Variants in NTRK3 observed in about 807,000 individuals in gnomAD.
The protein encoded by NTRK3 is neurotrophic receptor tyrosine kinase 3.
NTRK3 carries 24 observed loss-of-function variants against 91.7 expected under a neutral mutation model. The ratio of observed to expected loss-of-function variants is 0.26; its 90% confidence interval spans 0.19 to 0.37. NTRK3 has a LOEUF of 0.37. Ranked by LOEUF, NTRK3 falls within the 10% of genes least tolerant of loss-of-function variation. NTRK3 has a pLI of 1.00. For missense variants in NTRK3, 880 were observed against 1,068.9 expected, an observed-to-expected ratio of 0.82 and a Z score of 2.46; for synonymous variants, 483 against 404.0, an observed-to-expected ratio of 1.20 and a Z score of -2.34.
exon 19 of NTRK3, chr15:87,863,136 T>C (rs1359404614): frequency 4.3e-6 from 1 of 230,590 alleles, no homozygotes; most frequent in Non-Finnish European, 8.6e-6. Flanking sequence ...TCTTTCTACT[T>C]CTCTGAGCCA....
chr15:88,130,839 A>G (rs1567482609), intron 10 of NTRK3, among the ~76,000 whole-genome samples: 2 of 152,222 alleles, frequency 1.3e-5, no homozygotes, highest in Non-Finnish European at 2.9e-5. Context: ...AAAAGCATCA[A>G]TGGGACAAGT....
At chr15:88,254,490 G>A (rs1460879083) in intron 3 of NTRK3, among the ~76,000 whole-genome samples, 1 of 152,130 alleles carries the variant, frequency 6.6e-6, no homozygotes, top group Non-Finnish European at 1.5e-5. Context: ...CCAGGAGTCA[G>A]AGACATCTCC....
intron 3 of NTRK3, among the ~76,000 whole-genome samples, chr15:88,193,317 GGCATAACT>G (rs1331501187): frequency 6.6e-6 from 1 of 152,148 alleles, no homozygotes; most frequent in Non-Finnish European, 1.5e-5. Flanking sequence ...GCATGCTGGA[GGCATAACT>G]GCAGGGCACA....
At chr15:87,931,306 A>G (rs754199595) in intron 16 of NTRK3, 3 of 492,856 alleles carry the variant, frequency 6.1e-6, no homozygotes, top group Non-Finnish European at 8.1e-6. Flanking sequence ...CAAAAGGACA[A>G]AGTGAGGGCT....
At position 88,113,080 on chromosome 15, in the gene NTRK3, C is replaced by T. The variant is rs75589278; in HGVS notation, c.1396+13191G>A. Among the ~76,000 whole-genome samples the T allele has an allele frequency of 1.9e-3, 296 of 152,276 alleles. 5 individuals carry two copies. The highest frequency in any genetic ancestry group is 0.014 in the East Asian group (72 of 5,174). On this transcript the variant is annotated intron_variant, in intron 13 of 18. Coordinates refer to ENST00000394480, the Ensembl canonical transcript of NTRK3. ...ATTACCGCTTTCTTCCCCAAGTCTG[C>T]ATTCAGACCAACCCAGTCATTACTG...
rs564377356 is a variant in NTRK3 at position 87,930,185 on chromosome 15, C to T, written c.1890-751G>A. On this transcript the variant is annotated intron_variant, in intron 16 of 18. Transcript: ENST00000394480. ...CCATAGCAGTGCACAGTGGAGAGAG[C>T]CTCTGACCTTGAAGCATGGGTCTGG... 4.6e-5 allele frequency among the ~76,000 whole-genome samples: 7 copies of T among 152,288 alleles called. No individual in the cohort carries two copies. In the South Asian group the frequency reaches 1.4e-3, roughly 32 times the overall value.
At chr15:87,882,687 G>T (rs991491925) in intron 17 of NTRK3, among the ~76,000 whole-genome samples, 3 of 151,962 alleles carry the variant, frequency 2.0e-5, no homozygotes, top group Non-Finnish European at 4.4e-5. Context: ...AAGGAAAAAA[G>T]AAGCTTACAG....
At chr15:88,228,640 C>T (rs1326745380) in intron 3 of NTRK3, among the ~76,000 whole-genome samples, 1 of 152,176 alleles carries the variant, frequency 6.6e-6, no homozygotes, top group Non-Finnish European at 1.5e-5. Context: ...GACCCCAGTA[C>T]TCTTCACCTC....
intron 3 of NTRK3, among the ~76,000 whole-genome samples, chr15:88,244,243 G>T (rs1176152621): frequency 6.6e-6 from 1 of 152,202 alleles, no homozygotes; most frequent in East Asian, 1.9e-4. Flanking sequence ...TCCAGATGCT[G>T]CTCCAGATGC....
chr15:87,936,824 T>C (rs2069327768), intron 15 of NTRK3, among the ~76,000 whole-genome samples: 1 of 152,210 alleles, frequency 6.6e-6, no homozygotes, highest in African/African-American at 2.4e-5. Context: ...AGTTATTACA[T>C]ACAGGGGTGC....
At chr15:88,053,549 CG>C (rs1472272339) in intron 13 of NTRK3, among the ~76,000 whole-genome samples, 2 of 152,176 alleles carry the variant, frequency 1.3e-5, no homozygotes, top group Admixed American at 1.3e-4. Flanking sequence ...GCCATAGGTA[CG>C]TTGGTCAGGG....
chr15:88,137,235 C>A (rs2041959764), intron 7 of NTRK3, among the ~76,000 whole-genome samples, 169 bp downstream of exon 7: 1 of 152,096 alleles, frequency 6.6e-6, no homozygotes, highest in South Asian at 2.1e-4. Flanking sequence ...CAGGAATGAC[C>A]AAGAAGGGGA....
chr15:88,025,243 G>T lies in NTRK3; in HGVS notation c.1585+7614C>A, dbSNP rs1479227932. Among the ~76,000 whole-genome samples, 11 of 152,190 alleles carry T rather than the reference G, an allele frequency of 7.2e-5. No individual in the cohort carries two copies. In the East Asian group the frequency reaches 1.9e-3, roughly 27 times the overall value. ...GAAGCTAAACATATTCTTACCACATGACCAGGCAATCACGTGTCTAGATAT... is the reference window on the plus strand; with the variant it reads ...GAAGCTAAACATATTCTTACCACATTACCAGGCAATCACGTGTCTAGATAT... On this transcript the variant is annotated intron_variant, in intron 14 of 18. Transcript: ENST00000394480.
At chr15:87,939,254 T>C (rs1321098733) in intron 15 of NTRK3, among the ~76,000 whole-genome samples, 1 of 152,194 alleles carries the variant, frequency 6.6e-6, no homozygotes, top group Non-Finnish European at 1.5e-5. Flanking sequence ...TGCCAACTAC[T>C]TTTTATTGAG....
intron 13 of NTRK3, among the ~76,000 whole-genome samples, chr15:88,071,861 G>A (rs1228381100): frequency 6.6e-6 from 1 of 152,106 alleles, no homozygotes; most frequent in East Asian, 1.9e-4. Context: ...CATACTCCTT[G>A]CCTCTGTCCA....
exon 2 of NTRK3, chr15:88,256,338 G>A (rs2054057049): frequency 3.1e-6 from 2 of 644,216 alleles, no homozygotes; most frequent in African/African-American, 1.8e-5. Flanking sequence ...AAACCATCGC[G>A]GACGCCGCCG....
chr15:87,876,770 TTTC>T lies in NTRK3; in HGVS notation c.*162_*164del, dbSNP rs1223834599. On this transcript the variant is annotated 3_prime_UTR_variant, in exon 19 of 19. Transcript: ENST00000394480. ...AACTGCCTTACAGGGTTTTTTTTTC[TTTC>T]TTTTTTTTTCCTTTTTTCAGTGTTG... is the stretch of plus-strand genomic sequence containing the variant. 6.7e-5 allele frequency: 45 copies of T among 671,610 alleles called. No individual in the cohort carries two copies. The African/African-American group carries it at 7.9e-4, about 12-fold the overall frequency. The allele number at this position is 671,610 out of a possible 1,614,324, so 41.6% of individuals were successfully genotyped here.
intron 6 of NTRK3, among the ~76,000 whole-genome samples, chr15:88,142,971 T>G (rs2042532586): frequency 6.6e-6 from 1 of 152,090 alleles, no homozygotes; most frequent in South Asian, 2.1e-4. Flanking sequence ...TCTCAACATT[T>G]TGGGGGGCCA....
chr15:87,904,785 C>T (rs147058302), intron 17 of NTRK3, among the ~76,000 whole-genome samples: 1 of 152,290 alleles, frequency 6.6e-6, no homozygotes, highest in Non-Finnish European at 1.5e-5. Flanking sequence ...CTCATCTTTA[C>T]CCTGATTCCC....
Sources: allele counts gnomAD v4.1 joint callset (sites outside exome capture counted in the v4.1 genomes callset), GRCh38; gene constraint gnomAD v4.1.1; transcripts MANE v1.5; gene names NCBI Gene and HGNC (gene_info 2026-07-23, HGNC 2026-07-21).